The following NRCAM variants were observed in gnomAD, a reference collection of about 807,000 sequenced individuals.
The protein encoded by NRCAM is neuronal cell adhesion molecule, also known as NgCAM-related cell adhesion molecule.
Under a neutral mutation model 156.5 loss-of-function variants are expected in NRCAM, and 83 were observed. The ratio of observed to expected loss-of-function variants is 0.53; its 90% CI spans 0.44 to 0.64. NRCAM has a LOEUF of 0.64. Ranked by LOEUF, NRCAM falls within the 30% of genes least tolerant of loss-of-function variation. NRCAM has a pLI of 0.00. For synonymous variants in NRCAM, 538 were observed against 563.9 expected, an observed-to-expected ratio of 0.95 and a Z score of 0.65; for missense variants, 1,417 against 1,597.3, an observed-to-expected ratio of 0.89 and a Z score of 1.92.
At chr7:108,374,785 T>A (rs77052370) in intron 2 of NRCAM, among the ~76,000 whole-genome samples, 4,974 of 152,088 alleles carry the variant, frequency 0.033, 277 homozygotes, top group African/African-American at 0.11. Context: ...CAGAGCACAG[T>A]ATGGGTATGC....
In NRCAM at chr7:108,439,951, A is replaced by T. The variant is rs185623208; in HGVS notation, c.-332+16292T>A. On this transcript the variant is annotated intron_variant, in intron 1 of 32. Transcript: ENST00000379028. ...TAAAATGATACAGCCACTTTAAAAA[A>T]TAGTTTGGTAATGTCTTAAATCAGA... Among the ~76,000 whole-genome samples the T allele has an allele frequency of 4.6e-5, 7 of 152,318 alleles. No homozygotes were observed. The East Asian group carries it at 1.3e-3, about 29-fold the overall frequency.
chr7:108,189,086 A>G (rs2069302529), intron 20 of NRCAM, among the ~76,000 whole-genome samples: 1 of 151,698 alleles, frequency 6.6e-6, no homozygotes, highest in Non-Finnish European at 1.5e-5. Flanking sequence ...CCTAGGCCCT[A>G]GGCTTGTGTC....
chr7:108,418,415 T>C (rs1383834276), intron 1 of NRCAM, among the ~76,000 whole-genome samples: 1 of 152,162 alleles, frequency 6.6e-6, no homozygotes, highest in African/African-American at 2.4e-5. Context: ...GACAAATGTT[T>C]TCCTGAAGAG....
chr7:108,154,412 CTTATT>C (rs1221520536), intron 32 of NRCAM, among the ~76,000 whole-genome samples: 11 of 152,108 alleles, frequency 7.2e-5, no homozygotes, highest in Non-Finnish European at 1.2e-4. Context: ...ACTAAACTCT[CTTATT>C]ATAATATTTG....
chr7:108,202,261 T>C (rs1414803541), intron 13 of NRCAM, among the ~76,000 whole-genome samples: 3 of 152,134 alleles, frequency 2.0e-5, no homozygotes, highest in Non-Finnish European at 2.9e-5. Context: ...TGTTGGTAGG[T>C]AAAAATATAA....
chr7:108,292,556 C>G (rs1348638549), intron 3 of NRCAM, among the ~76,000 whole-genome samples: 3 of 152,140 alleles, frequency 2.0e-5, no homozygotes, highest in Non-Finnish European at 2.9e-5. Context: ...CCAGTAGAGA[C>G]AGCAGTTTCA....
chr7:108,358,191 C>A (rs112317119), intron 2 of NRCAM, among the ~76,000 whole-genome samples: 7 of 148,612 alleles, frequency 4.7e-5, no homozygotes, highest in African/African-American at 1.7e-4. Flanking sequence ...GAGGATCACT[C>A]GAGCCCAGGA....
At position 108,174,540 on chromosome 7, in the gene NRCAM, G is replaced by A. The variant is rs146740643; in HGVS notation, c.3187+782C>T. Among the ~76,000 whole-genome samples the A allele has an allele frequency of 8.2e-3, 1,243 of 152,320 alleles. 13 individuals carry two copies. Among genetic ancestry groups the A allele is most frequent in the African/African-American group, 0.026 (1,075 of 41,584 alleles). Reference sequence around the variant, plus strand: ...AGCTGACTGGTCAACCAGCAGCCAGGGGTCAAAGACTGGGGCATCTTTGGC... The same window carrying A: ...AGCTGACTGGTCAACCAGCAGCCAGAGGTCAAAGACTGGGGCATCTTTGGC... On this transcript the variant is annotated intron_variant, in intron 28 of 32. Coordinates refer to ENST00000379028, the MANE Select transcript of NRCAM (RefSeq NM_001037132.4).
chr7:108,217,992 G>A (rs2090242349), intron 11 of NRCAM, among the ~76,000 whole-genome samples: 1 of 152,172 alleles, frequency 6.6e-6, no homozygotes, highest in Admixed American at 6.5e-5. Flanking sequence ...CAGCTAGCTC[G>A]GTGTCTGCCC....
intron 1 of NRCAM, among the ~76,000 whole-genome samples, chr7:108,420,190 TTGTC>T (rs1328625359): frequency 6.6e-6 from 1 of 152,150 alleles, no homozygotes; most frequent in African/African-American, 2.4e-5. Context: ...GGTCTTATCT[TTGTC>T]TGGCCTCTAT....
At chr7:108,226,428 C>T in intron 8 of NRCAM, 50 bp from the exon 9 acceptor site, 1 of 1,383,022 alleles carries the variant, frequency 7.2e-7, no homozygotes, top group Non-Finnish European at 1.0e-6. Flanking sequence ...AAAGTGGCTA[C>T]CCTCCAAATT....
At position 108,194,706 on chromosome 7, in the gene NRCAM, G is replaced by T. The variant is rs12534977; in HGVS notation, c.1464-278C>A. ...CATAAGCATCCATTTTTCTTCTCTG[G>T]GGTTAAGGTAGGGGCCAAGGGAAAT... On this transcript the variant is annotated intron_variant, in intron 15 of 32. Transcript: ENST00000379028. 5.4e-3 allele frequency among the ~76,000 whole-genome samples: 815 copies of T among 152,294 alleles called. 11 individuals carry two copies. Among genetic ancestry groups the T allele is most frequent in the Admixed American group, 0.026 (400 of 15,292 alleles).
At chr7:108,150,229 T>A (rs2040459253) in intron 32 of NRCAM, 82 bp from the exon 33 acceptor site, 1 of 1,177,288 alleles carries the variant, frequency 8.5e-7, no homozygotes, top group Non-Finnish European at 1.2e-6. Flanking sequence ...ATGCAAATTA[T>A]GAGAAAGCAT....
At chr7:108,454,984 C>A (rs1009666784) in intron 1 of NRCAM, among the ~76,000 whole-genome samples, 2 of 152,192 alleles carry the variant, frequency 1.3e-5, no homozygotes, top group Admixed American at 6.5e-5. Context: ...CGCCACCGCT[C>A]GGCGCCCTCC....
chr7:108,187,723 G>A (rs564518247), intron 20 of NRCAM, among the ~76,000 whole-genome samples: 14 of 152,072 alleles, frequency 9.2e-5, no homozygotes, highest in Admixed American at 2.0e-4. Flanking sequence ...AGGCCGAGGC[G>A]GGTGGATCAC....
At chr7:108,395,482 T>C (rs2099774182) in intron 2 of NRCAM, among the ~76,000 whole-genome samples, 1 of 152,214 alleles carries the variant, frequency 6.6e-6, no homozygotes, top group Non-Finnish European at 1.5e-5. Context: ...TCCTCTTTCT[T>C]TTTAAAACCC....
intron 11 of NRCAM, among the ~76,000 whole-genome samples, chr7:108,221,409 A>G (rs2092232846): frequency 1.3e-5 from 2 of 152,238 alleles, no homozygotes; most frequent in African/African-American, 4.8e-5. Flanking sequence ...GCATGTTTAT[A>G]GCATCACAGT....
intron 13 of NRCAM, among the ~76,000 whole-genome samples, chr7:108,205,806 C>T (rs2080849378): frequency 6.6e-6 from 1 of 152,070 alleles, no homozygotes; most frequent in South Asian, 2.1e-4. Flanking sequence ...CCAGGCTGGT[C>T]TCTAACTCCT....
chr7:108,269,587 C>G (rs2097263154), intron 3 of NRCAM, among the ~76,000 whole-genome samples: 2 of 152,138 alleles, frequency 1.3e-5, no homozygotes, highest in South Asian at 4.1e-4. Flanking sequence ...ATGTTCCCTA[C>G]AGGTTACACA....
Sources: allele counts gnomAD v4.1 joint callset (sites outside exome capture counted in the v4.1 genomes callset), GRCh38; gene constraint gnomAD v4.1.1; transcripts MANE v1.5; gene names NCBI Gene and HGNC (gene_info 2026-07-23, HGNC 2026-07-21).